Variants in NAP1L1 observed in about 807,000 individuals in gnomAD.
The protein encoded by NAP1L1 is nucleosome assembly protein 1 like 1.
Under a neutral mutation model 58.9 loss-of-function variants are expected in NAP1L1, and 9 were observed. The ratio of observed to expected loss-of-function variants is 0.15; its 90% CI spans 0.09 to 0.27. The LOEUF (loss-of-function observed/expected upper bound fraction) is 0.27, where lower values mean the gene tolerates loss of function less well. Among genes scored for constraint, NAP1L1 ranks in the 10% least tolerant of loss-of-function variants. The pLI is 1.00. For synonymous variants in NAP1L1, 130 were observed against 138.3 expected, an observed-to-expected ratio of 0.94 and a Z score of 0.42; for missense variants, 302 against 458.8, an observed-to-expected ratio of 0.66 and a Z score of 3.12.
At chr12:76,070,866 A>C (rs1002510518) in intron 2 of NAP1L1, among the ~76,000 whole-genome samples, 2 of 152,316 alleles carry the variant, frequency 1.3e-5, no homozygotes, top group African/African-American at 4.8e-5. Context: ...TATAAACGTT[A>C]TGTAAATAGT....
At chr12:76,053,729 A>G (rs755406176) in intron 9 of NAP1L1, 41 bp downstream of exon 9, 3 of 1,589,720 alleles carry the variant, frequency 1.9e-6, no homozygotes, top group Non-Finnish European at 2.6e-6. Flanking sequence ...TATAACAAAA[A>G]CAGAAAAAAC....
At chr12:76,057,021 A>T (rs1949137626) in intron 6 of NAP1L1, 1 of 200,018 alleles carries the variant, frequency 5.0e-6, no homozygotes, top group African/African-American at 2.4e-5. Flanking sequence ...GGCTGGGCAC[A>T]GTGGCTCAGT....
intron 4 of NAP1L1, among the ~76,000 whole-genome samples, chr12:76,066,031 G>A (rs1432245926): frequency 6.7e-6 from 1 of 148,990 alleles, no homozygotes; most frequent in African/African-American, 2.5e-5. Flanking sequence ...GGGGAACAAT[G>A]GATTGATTAG....
In NAP1L1 at chr12:76,048,335, C is replaced by A; in HGVS notation, c.*94G>T. 3.5e-6 allele frequency: 5 copies of A among 1,442,482 alleles called. No homozygotes were observed. In the South Asian group the frequency reaches 5.0e-5, roughly 15 times the overall value. 89.4% of individuals were successfully genotyped at this position (1,442,482 alleles called of 1,614,324 possible). ...TTTAAAAAAAAATTACCTAGTCTAC[C>A]AAGAAAATACAAAAACATAAGGCTG... On this transcript the variant is annotated 3_prime_UTR_variant, in exon 15 of 15. Coordinates refer to ENST00000618691, the MANE Select transcript of NAP1L1 (RefSeq NM_004537.7).
intron 1 of NAP1L1, among the ~76,000 whole-genome samples, chr12:76,083,323 GAAC>G (rs1351032533): frequency 6.6e-6 from 1 of 152,004 alleles, no homozygotes; most frequent in Non-Finnish European, 1.5e-5. Context: ...AGACAGCCAA[GAAC>G]AATTAAAGTC....
chr12:76,053,194 A>C lies in NAP1L1; in HGVS notation c.916+11T>G, dbSNP rs951893761. The C allele has an allele frequency of 6.2e-7, 1 of 1,613,266 alleles. No homozygotes were observed. Among genetic ancestry groups the C allele is most frequent in the African/African-American group, 1.3e-5 (1 of 74,886 alleles). On this transcript the variant is annotated intron_variant, in intron 10 of 14. Transcript: ENST00000618691. ...AACAACCGTTAATACTCAAGCTAAA[A>C]CATTATTTACCTTCAGGAGGGGCAA...
In NAP1L1 at chr12:76,075,929, C is replaced by T. The variant is rs577073912; in HGVS notation, c.-20-1690G>A. Among the ~76,000 whole-genome samples the T allele has an allele frequency of 9.9e-5, 15 of 152,036 alleles. No individual in the cohort carries two copies. The South Asian group carries it at 2.3e-3, about 23-fold the overall frequency. ...CTGCAATCCCAGCACTTTGGGAGGC[C>T]GAAGCAGAAGGACCGCTTGAGGCCA... On this transcript the variant is annotated intron_variant, in intron 1 of 14. Coordinates refer to ENST00000618691, the MANE Select transcript of NAP1L1 (RefSeq NM_004537.7).
chr12:76,060,264 A>G lies in NAP1L1; in HGVS notation c.222T>C (p.Val74=). ...TGYIESLPRV[V]KRRVNALKNL... is the part of the protein sequence containing the mutation. ...TTTTGAGAGCATTCACTCGTCTTTTAACTACCCTAGGCAGGCTGAAAGGTT... is the reference window on the plus strand; with the variant it reads ...TTTTGAGAGCATTCACTCGTCTTTTGACTACCCTAGGCAGGCTGAAAGGTT... Residue 74 remains valine (V), a synonymous_variant, in exon 5 of 15, where the codon GTT becomes GTC. Transcript: ENST00000618691. 1 of 1,613,914 alleles carries G rather than the reference A, an allele frequency of 6.2e-7. No homozygotes were observed. Among genetic ancestry groups the G allele is most frequent in the Non-Finnish European group, 8.5e-7 (1 of 1,179,902 alleles).
At chr12:76,077,996 A>G (rs1209983225) in intron 1 of NAP1L1, among the ~76,000 whole-genome samples, 19 of 150,888 alleles carry the variant, frequency 1.3e-4, no homozygotes, top group Admixed American at 2.0e-4. Flanking sequence ...AAAAAAAAAA[A>G]AAAAAGGAAA....
chr12:76,041,585 A>G lies in NAP1L1; in HGVS notation c.*6844T>C, dbSNP rs1427560974. 1 of 152,222 alleles carries G rather than the reference A, an allele frequency of 6.6e-6. No individual in the cohort carries two copies. Among genetic ancestry groups the G allele is most frequent in the Non-Finnish European group, 1.5e-5 (1 of 68,056 alleles). 9.4% of individuals were successfully genotyped at this position (152,222 alleles called of 1,614,324 possible). Reference sequence around the variant, plus strand: ...AGCAAAGACAACAGTTCCAGCCTCCAGTTTTGAAATCCATAGTTAAGTGCG... The same window carrying G: ...AGCAAAGACAACAGTTCCAGCCTCCGGTTTTGAAATCCATAGTTAAGTGCG... On this transcript the variant is annotated 3_prime_UTR_variant, in exon 15 of 15. Coordinates refer to ENST00000618691, the MANE Select transcript of NAP1L1 (RefSeq NM_004537.7).
Position 76,047,104 on chromosome 12 carries a change from G to T in NAP1L1, c.*1325C>A, listed in dbSNP as rs1948624618. 6.6e-6 allele frequency: 1 copy of T among 152,460 alleles called. No individual in the cohort carries two copies. The highest frequency in any genetic ancestry group is 1.5e-5 in the Non-Finnish European group (1 of 67,918). 9.4% of individuals were successfully genotyped at this position (152,460 alleles called of 1,614,324 possible). A position where few individuals can be genotyped will look rare whatever the true frequency, so the allele number is the denominator to read the frequency against. On this transcript the variant is annotated 3_prime_UTR_variant, in exon 15 of 15. Transcript: ENST00000618691. ...TTTCCAGTTTAGTTATCAAAGCGTG[G>T]TGTGAACAAAATGCTTAGTGTCACA... is the stretch of plus-strand genomic sequence containing the variant.
chr12:76,060,498 A>G (rs925037740), intron 4 of NAP1L1, among the ~76,000 whole-genome samples: 1 of 152,210 alleles, frequency 6.6e-6, no homozygotes, highest in African/African-American at 2.4e-5. Flanking sequence ...TGATAAACAA[A>G]ATGTAAATCA....
At chr12:76,079,539 G>A (rs1161920308) in intron 1 of NAP1L1, among the ~76,000 whole-genome samples, 1 of 152,130 alleles carries the variant, frequency 6.6e-6, no homozygotes, top group Non-Finnish European at 1.5e-5. Flanking sequence ...ATCAGAGTTG[G>A]TATCACGTAT....
In NAP1L1 at chr12:76,047,582, T is replaced by C. The variant is rs1209736814; in HGVS notation, c.*847A>G. On this transcript the variant is annotated 3_prime_UTR_variant, in exon 15 of 15. Coordinates refer to ENST00000618691, the MANE Select transcript of NAP1L1 (RefSeq NM_004537.7). ...TTGGTACAAAATTAAGACATTATCT[T>C]GTAAGAACTAAAATTGTATTTGAAA... The C allele has an allele frequency of 6.6e-6, 1 of 151,966 alleles. No homozygotes were observed. Among genetic ancestry groups the C allele is most frequent in the Non-Finnish European group, 1.5e-5 (1 of 67,906 alleles). The allele number at this position is 151,966 out of a possible 1,614,324, so 9.4% of individuals were successfully genotyped here.
intron 1 of NAP1L1, among the ~76,000 whole-genome samples, chr12:76,081,209 A>G (rs10785231): frequency 0.56 from 84,457 of 152,082 alleles, 25,052 homozygotes; most frequent in East Asian, 0.96. Flanking sequence ...TTATCTCATC[A>G]TAAGTTATCA....
Position 76,050,531 on chromosome 12 carries a change from A to G in NAP1L1, c.1059T>C (p.Asp353=). Residue 353 remains aspartate (D), a splice_region_variant and synonymous_variant, in exon 12 of 15, where the codon GAT becomes GAC. Transcript: ENST00000618691. Reference sequence around the variant, plus strand: ...CTTTGCAGGATTCAAATTCGCTTACATCATCATCATCATCTTCAATAGCTT... The same window carrying G: ...CTTTGCAGGATTCAAATTCGCTTACGTCATCATCATCATCTTCAATAGCTT... The part of the protein sequence containing the change: ...TGEAIEDDDD[D]YDEEGEEADE... 1 of 1,598,290 alleles carries G rather than the reference A, an allele frequency of 6.3e-7. No homozygotes were observed. Among genetic ancestry groups the G allele is most frequent in the Non-Finnish European group, 8.5e-7 (1 of 1,173,956 alleles).
chr12:76,044,632 T>TAA lies in NAP1L1; in HGVS notation c.*3795_*3796dup, dbSNP rs1948581378. ...CAATAAACTCATAAAGCTGAAGTCT[T>TAA]AAGTCAAACCATTATAAGTCAGGGA... On this transcript the variant is annotated 3_prime_UTR_variant, in exon 15 of 15. Transcript: ENST00000618691. 6.6e-6 allele frequency: 1 copy of TAA among 152,210 alleles called. No individual in the cohort carries two copies. The highest frequency in any genetic ancestry group is 1.5e-5 in the Non-Finnish European group (1 of 68,026). The allele number at this position is 152,210 out of a possible 1,614,324, so 9.4% of individuals were successfully genotyped here.
Position 76,067,363 on chromosome 12 carries a change from A to G in NAP1L1, c.206+8T>C. 1 of 1,590,188 alleles carries G rather than the reference A, an allele frequency of 6.3e-7. No individual in the cohort carries two copies. Among genetic ancestry groups the G allele is most frequent in the Non-Finnish European group, 8.6e-7 (1 of 1,162,440 alleles). On this transcript the variant is annotated splice_region_variant and intron_variant, in intron 4 of 14. Transcript: ENST00000618691. Reference sequence around the variant, plus strand: ...GAAAGATAAATAAGGACTATGGAAAAGCTGTACCTTTCAATGTATCCTGTT... The same window carrying G: ...GAAAGATAAATAAGGACTATGGAAAGGCTGTACCTTTCAATGTATCCTGTT...
Position 76,060,270 on chromosome 12 carries a change from C to A in NAP1L1, c.216G>T (p.Arg72Ser). 6.2e-7 allele frequency: 1 copy of A among 1,613,558 alleles called. No individual in the cohort carries two copies. The highest frequency in any genetic ancestry group is 1.1e-5 in the South Asian group (1 of 91,046). The change falls in exon 5 of 15, where the codon AGG becomes AGT. Residue 72 changes from arginine to serine, a missense_variant. Arg to Ser is a moderately radical substitution (Grantham distance 110, BLOSUM62 -1). Transcript: ENST00000618691. ...GAGCATTCACTCGTCTTTTAACTAC[C>A]CTAGGCAGGCTGAAAGGTTAGAAAT... ...TPTGYIESLP[R>S]VVKRRVNALK...
Sources: gnomAD v4.1 joint callset for allele counts (sites outside exome capture counted in the v4.1 genomes callset) on GRCh38, gnomAD v4.1.1 for gene constraint, MANE v1.5 for transcripts, NCBI Gene and HGNC (gene_info 2026-07-23, HGNC 2026-07-21) for gene names.